The following PIK3R4 variants were observed in gnomAD, a reference collection of about 807,000 sequenced individuals.
PIK3R4 encodes the protein phosphoinositide 3-kinase regulatory subunit 4.
Under a neutral mutation model 136.5 loss-of-function variants are expected in PIK3R4, and 46 were observed. That is an observed-to-expected ratio of 0.34 (90% CI 0.27 to 0.43). PIK3R4 has a LOEUF of 0.43. PIK3R4 is among the 20% of genes least tolerant of loss of function. PIK3R4 has a pLI of 1.00. For missense variants in PIK3R4, 1,331 were observed against 1,649.5 expected (o/e 0.81, Z 3.35); for synonymous variants, 557 against 566.7 (o/e 0.98, Z 0.24).
intron 2 of PIK3R4, among the ~76,000 whole-genome samples, chr3:130,736,905 G>A (rs972531402): frequency 1.3e-5 from 2 of 152,098 alleles, no homozygotes; most frequent in Non-Finnish European, 2.9e-5. Flanking sequence ...GTAAGATTAG[G>A]GAGAGGAAAA....
intron 9 of PIK3R4, among the ~76,000 whole-genome samples, chr3:130,715,701 T>G (rs1360469012): frequency 6.6e-6 from 1 of 152,206 alleles, no homozygotes; most frequent in Admixed American, 6.5e-5. Context: ...TCCCATTCTG[T>G]AGGCTGCCTG....
In PIK3R4 at chr3:130,745,140, C is replaced by G. The variant is rs1279749987; in HGVS notation, c.79G>C (p.Glu27Gln). ...ESYFSDIHDF[E>Q]YDKSLGSTRF... ...GTACTCCCCAGGCTTTTATCATATT[C>G]AAAGTCATGAATATCTGAAAAATAA... The change falls in exon 2 of 20, where the codon GAA (glutamate) becomes CAA (glutamine). Residue 27 changes from glutamate to glutamine, a missense_variant. Glu to Gln is a conservative substitution (Grantham distance 29). Transcript: ENST00000356763. 1 of 1,613,376 alleles carries G rather than the reference C, an allele frequency of 6.2e-7. No individual in the cohort carries two copies. Among genetic ancestry groups the G allele is most frequent in the Admixed American group, 1.7e-5 (1 of 59,952 alleles).
intron 13 of PIK3R4, among the ~76,000 whole-genome samples, chr3:130,700,076 C>G (rs1441992007): frequency 6.6e-6 from 1 of 152,162 alleles, no homozygotes; most frequent in Non-Finnish European, 1.5e-5. Flanking sequence ...TTTTCTCTTT[C>G]ATTGTAGTTT....
chr3:130,686,593 C>T (rs2066492610), intron 14 of PIK3R4, among the ~76,000 whole-genome samples, 171 bp from the exon 15 acceptor site: 1 of 152,020 alleles, frequency 6.6e-6, no homozygotes, highest in Admixed American at 6.6e-5. Flanking sequence ...AGAAGAATTG[C>T]AAAAATAGTA....
At chr3:130,697,763 A>G (rs1278667855) in intron 13 of PIK3R4, among the ~76,000 whole-genome samples, 1 of 147,736 alleles carries the variant, frequency 6.8e-6, no homozygotes, top group East Asian at 1.9e-4. Context: ...GCAGGTAAAA[A>G]GAGTTACAAA....
chr3:130,692,620 T>C (rs970826556), intron 13 of PIK3R4, among the ~76,000 whole-genome samples: 38 of 152,260 alleles, frequency 2.5e-4, no homozygotes, highest in African/African-American at 9.2e-4. Flanking sequence ...ATGTGAGTCA[T>C]TTCCACCTTT....
intron 9 of PIK3R4, among the ~76,000 whole-genome samples, chr3:130,710,490 C>A (rs1217759973): frequency 6.6e-6 from 1 of 151,966 alleles, no homozygotes; most frequent in South Asian, 2.1e-4. Context: ...GGTATAATGT[C>A]GAGAGTTTTC....
At position 130,716,449 on chromosome 3, in the gene PIK3R4, G is replaced by C; in HGVS notation, c.2278C>G (p.Pro760Ala). ...KKRNGSLPDC[P>A]PPEDPAIAQL... is the part of the protein sequence containing the mutation. Reference sequence around the variant, plus strand: ...GCTATGGCAGGATCCTCTGGCGGAGGGCAGTCGGGAAGAGAACCATTTCGT... The same window carrying C: ...GCTATGGCAGGATCCTCTGGCGGAGCGCAGTCGGGAAGAGAACCATTTCGT... Residue 760 changes from proline to alanine, a missense_variant, in exon 9 of 20, where the codon CCT becomes GCT. Physicochemically the swap from Pro to Ala is conservative, Grantham distance 27. This residue lies in a region of PIK3R4 where 1,180 missense variants were observed against 1,407.0 expected (regional missense o/e 0.84). Transcript: ENST00000356763. The C allele has an allele frequency of 6.2e-7, 1 of 1,614,180 alleles. No individual in the cohort carries two copies. Among genetic ancestry groups the C allele is most frequent in the Non-Finnish European group, 8.5e-7 (1 of 1,180,024 alleles).
intron 7 of PIK3R4, among the ~76,000 whole-genome samples, chr3:130,722,967 AGGCAGGAGAAT>A (rs2066709990): frequency 7.0e-6 from 1 of 143,076 alleles, no homozygotes; most frequent in African/African-American, 2.5e-5. Flanking sequence ...CAGGAGGCTG[AGGCAGGAGAAT>A]GGCTTGAACA....
intron 9 of PIK3R4, among the ~76,000 whole-genome samples, chr3:130,712,759 T>G (rs547809004): frequency 6.6e-6 from 1 of 151,476 alleles, no homozygotes; most frequent in South Asian, 2.1e-4. Context: ...CCTAAGAAAC[T>G]CAGGTAGCAC....
chr3:130,702,116 T>G (rs963676123), intron 13 of PIK3R4, among the ~76,000 whole-genome samples: 1 of 151,960 alleles, frequency 6.6e-6, no homozygotes, highest in Non-Finnish European at 1.5e-5. Context: ...CACTCCAGCC[T>G]GGGCAAAAAG....
At chr3:130,745,951 C>CA (rs1001714095) in intron 1 of PIK3R4, among the ~76,000 whole-genome samples, 11 of 151,722 alleles carry the variant, frequency 7.3e-5, no homozygotes, top group Admixed American at 4.6e-4. Flanking sequence ...ACCCAGGACG[C>CA]AGAGGTTGCA....
rs375807713 is a variant in PIK3R4 at position 130,718,380 on chromosome 3, C to G, written c.2127+9G>C. 5 of 1,600,870 alleles carry G rather than the reference C, an allele frequency of 3.1e-6. No individual in the cohort carries two copies. The highest frequency in any genetic ancestry group is 2.7e-5 in the African/African-American group (2 of 74,614). On this transcript the variant is annotated intron_variant, in intron 8 of 19. Transcript: ENST00000356763. ...AGGAAAGACTGACTCCAACTTGGAA[C>G]ATGTATACCTGTATTATTGGTTGGG...
In PIK3R4 at chr3:130,728,628, G is replaced by A; in HGVS notation, c.1642C>T (p.Pro548Ser). ...QQKVVTLLSDPENIVKQTLME... is the reference protein window; with the variant it reads ...QQKVVTLLSDSENIVKQTLME... ...AAGGTTTGTTTTACAATATTTTCAG[G>A]GTCACTTAGCAAAGTAACAACTTTC... Residue 548 changes from proline to serine, a missense_variant, in exon 6 of 20, where the codon CCT becomes TCT. This residue lies in a region of PIK3R4 where 1,180 missense variants were observed against 1,407.0 expected (regional missense o/e 0.84). Coordinates refer to ENST00000356763, the MANE Select transcript of PIK3R4 (RefSeq NM_014602.3). 2 of 1,608,758 alleles carry A rather than the reference G, an allele frequency of 1.2e-6. No individual in the cohort carries two copies. Among genetic ancestry groups the A allele is most frequent in the Non-Finnish European group, 1.7e-6 (2 of 1,177,856 alleles).
chr3:130,719,574 A>AG (rs763405330), intron 7 of PIK3R4, among the ~76,000 whole-genome samples: 183 of 152,282 alleles, frequency 1.2e-3, no homozygotes, highest in Non-Finnish European at 7.1e-4. Flanking sequence ...CCATCCAACA[A>AG]GGGACACTGG....
In PIK3R4 at chr3:130,728,624, T is replaced by C. The variant is rs1049641941; in HGVS notation, c.1646A>G (p.Glu549Gly). ...CATCAAGGTTTGTTTTACAATATTT[T>C]CAGGGTCACTTAGCAAAGTAACAAC... ...QKVVTLLSDP[E>G]NIVKQTLMEN... is the part of the protein sequence containing the mutation. Residue 549 changes from glutamate to glycine, a missense_variant, in exon 6 of 20, where the codon GAA becomes GGA. Around this residue, in one of 2 missense-constraint regions of PIK3R4, gnomAD observed 1,180 missense variants for 1,407.0 expected, o/e 0.84. Transcript: ENST00000356763. 19 of 1,611,206 alleles carry C rather than the reference T, an allele frequency of 1.2e-5. No homozygotes were observed. The highest frequency in any genetic ancestry group is 1.7e-5 in the Admixed American group (1 of 59,672).
intron 11 of PIK3R4, among the ~76,000 whole-genome samples, chr3:130,706,624 A>G (rs1030055659): frequency 2.0e-5 from 3 of 152,202 alleles, no homozygotes; most frequent in African/African-American, 7.2e-5. Context: ...TGGCTATGTT[A>G]TACTGGAGGA....
intron 12 of PIK3R4, 147 bp downstream of exon 12, chr3:130,705,414 T>C (rs569357714): frequency 3.2e-6 from 2 of 617,268 alleles, no homozygotes; most frequent in Admixed American, 6.1e-5. Context: ...ACAAGATTTC[T>C]TACTTACTGC....
At chr3:130,687,326 G>T (rs1041020648) in intron 14 of PIK3R4, among the ~76,000 whole-genome samples, 2 of 152,070 alleles carry the variant, frequency 1.3e-5, no homozygotes, top group Non-Finnish European at 2.9e-5. Flanking sequence ...GGAGCATTTT[G>T]GATTTTCAGA....
Sources: allele counts gnomAD v4.1 joint callset (sites outside exome capture counted in the v4.1 genomes callset), GRCh38; gene constraint gnomAD v4.1.1; regional missense constraint gnomAD v4.1.1; transcripts MANE v1.5; gene names NCBI Gene and HGNC (gene_info 2026-07-23, HGNC 2026-07-21).